Variants in ADAMTS18 observed in about 807,000 individuals in gnomAD.
The protein encoded by ADAMTS18 is ADAM metallopeptidase with thrombospondin type 1 motif 18.
A neutral mutation model predicts 165.9 loss-of-function variants in ADAMTS18; 157 were observed. That is an observed-to-expected ratio of 0.95 (90% CI 0.83 to 1.08). The LOEUF (loss-of-function observed/expected upper bound fraction) is 1.08. ADAMTS18 is among the 50% of genes least tolerant of loss of function. The probability of loss-of-function intolerance (pLI) is 0.00; values close to 1 mark genes in which losing one functional copy is unlikely to be tolerated. For missense variants in ADAMTS18, 2,040 were observed against 1,534.0 expected (o/e 1.33, Z -5.51); for synonymous variants, 782 against 578.2 (o/e 1.35, Z -5.06).
At chr16:77,420,283 C>A (rs1254301547) in intron 3 of ADAMTS18, among the ~76,000 whole-genome samples, 1 of 152,050 alleles carries the variant, frequency 6.6e-6, no homozygotes, top group Non-Finnish European at 1.5e-5. Context: ...ACATACCATC[C>A]TGCCATGTTA....
chr16:77,359,260 C>A, intron 8 of ADAMTS18, 58 bp downstream of exon 8: 1 of 1,420,044 alleles, frequency 7.0e-7, no homozygotes, highest in Non-Finnish European at 9.9e-7. Context: ...GTTAGAGGAA[C>A]ACCAATGAAT....
chr16:77,321,351 C>T (rs2055995661), intron 14 of ADAMTS18, 149 bp from the exon 15 acceptor site: 2 of 1,040,782 alleles, frequency 1.9e-6, no homozygotes, highest in Non-Finnish European at 1.4e-6. Flanking sequence ...AAGTTGGACT[C>T]ACTTGGGGTT....
At chr16:77,332,042 T>A (rs1450126652) in intron 12 of ADAMTS18, among the ~76,000 whole-genome samples, 1 of 152,194 alleles carries the variant, frequency 6.6e-6, no homozygotes, top group Non-Finnish European at 1.5e-5. Flanking sequence ...TCTAAAGCAC[T>A]TCACAAATGT....
chr16:77,384,041 C>T (rs1210665260), intron 3 of ADAMTS18, among the ~76,000 whole-genome samples: 3 of 149,632 alleles, frequency 2.0e-5, no homozygotes, highest in African/African-American at 7.3e-5. Context: ...GTTCATCCCT[C>T]CTATTAGCTC....
chr16:77,347,048 A>G (rs1366551), intron 10 of ADAMTS18, among the ~76,000 whole-genome samples: 8,695 of 152,232 alleles, frequency 0.057, 569 homozygotes, highest in African/African-American at 0.16. Flanking sequence ...TTTCATATAA[A>G]TGGAACCATA....
At chr16:77,340,472 G>C (rs1273063765) in intron 11 of ADAMTS18, among the ~76,000 whole-genome samples, 2 of 152,022 alleles carry the variant, frequency 1.3e-5, no homozygotes, top group Non-Finnish European at 2.9e-5. Flanking sequence ...ACTGTGCCCC[G>C]CCTGGACTGT....
intron 16 of ADAMTS18, among the ~76,000 whole-genome samples, chr16:77,308,617 A>G (rs1463753275): frequency 6.6e-6 from 1 of 151,608 alleles, no homozygotes; most frequent in Non-Finnish European, 1.5e-5. Context: ...TTTAATCCTT[A>G]TTGCCAAGGT....
intron 3 of ADAMTS18, among the ~76,000 whole-genome samples, chr16:77,394,450 G>A (rs2057230572): frequency 2.6e-5 from 4 of 152,184 alleles, no homozygotes; most frequent in Non-Finnish European, 4.4e-5. Flanking sequence ...CTAGTACCTG[G>A]TACACAGAAA....
At chr16:77,312,452 G>A (rs963791553) in intron 16 of ADAMTS18, among the ~76,000 whole-genome samples, 6 of 152,054 alleles carry the variant, frequency 3.9e-5, no homozygotes, top group Non-Finnish European at 8.8e-5. Flanking sequence ...TGGCTGGGCT[G>A]GTCTCGAACT....
intron 3 of ADAMTS18, among the ~76,000 whole-genome samples, chr16:77,392,805 T>G (rs563010617): frequency 6.6e-6 from 1 of 152,330 alleles, no homozygotes; most frequent in East Asian, 1.9e-4. Context: ...AATTACATCT[T>G]TCTGACACTA....
chr16:77,288,101 C>T (rs1347773482), intron 22 of ADAMTS18, among the ~76,000 whole-genome samples: 1 of 152,070 alleles, frequency 6.6e-6, no homozygotes, highest in Non-Finnish European at 1.5e-5. Context: ...GTTGCGTGCC[C>T]ATTGTGGTAT....
chr16:77,416,009 T>C (rs1295964266), intron 3 of ADAMTS18, among the ~76,000 whole-genome samples: 2 of 152,140 alleles, frequency 1.3e-5, no homozygotes, highest in South Asian at 2.1e-4. Flanking sequence ...GGAGCTGATA[T>C]TCAAGGTGGA....
chr16:77,308,450 G>C (rs945564818), intron 16 of ADAMTS18, among the ~76,000 whole-genome samples: 2 of 151,308 alleles, frequency 1.3e-5, no homozygotes, highest in African/African-American at 4.9e-5. Context: ...CAGACAAAGA[G>C]ACAGAGAAAG....
chr16:77,348,076 T>C (rs1285030649), intron 10 of ADAMTS18, among the ~76,000 whole-genome samples: 1 of 152,276 alleles, frequency 6.6e-6, no homozygotes, highest in Non-Finnish European at 1.5e-5. Flanking sequence ...CATTCACATA[T>C]AGATATCACT....
At chr16:77,359,948 T>G (rs1044928518) in intron 7 of ADAMTS18, among the ~76,000 whole-genome samples, 1 of 152,222 alleles carries the variant, frequency 6.6e-6, no homozygotes, top group South Asian at 2.1e-4. Context: ...TCTGGTTCTT[T>G]ATAATGTGGT....
chr16:77,370,785 G>C (rs1023738292), intron 3 of ADAMTS18, among the ~76,000 whole-genome samples: 1 of 139,960 alleles, frequency 7.1e-6, no homozygotes, highest in African/African-American at 3.1e-5. Flanking sequence ...ATTTATAATA[G>C]CTACGATATA....
chr16:77,380,642 T>A (rs2144769522), intron 3 of ADAMTS18, among the ~76,000 whole-genome samples: 1 of 152,356 alleles, frequency 6.6e-6, no homozygotes. Context: ...GCATATAGTT[T>A]ATAAGCAGCC....
intron 3 of ADAMTS18, among the ~76,000 whole-genome samples, chr16:77,404,326 G>A (rs1161818329): frequency 6.6e-6 from 1 of 152,106 alleles, no homozygotes; most frequent in Non-Finnish European, 1.5e-5. Context: ...AGATTTGGAG[G>A]ATACCTTTTC....
intron 12 of ADAMTS18, among the ~76,000 whole-genome samples, chr16:77,328,119 C>G (rs891132): frequency 0.38 from 57,490 of 151,792 alleles, 11,479 homozygotes; most frequent in East Asian, 0.61. Context: ...TAAATAATGA[C>G]GATGTAAAGG....
Sources: gnomAD v4.1 joint callset for allele counts (sites outside exome capture counted in the v4.1 genomes callset) on GRCh38, gnomAD v4.1.1 for gene constraint, MANE v1.5 for transcripts, NCBI Gene and HGNC (gene_info 2026-07-23, HGNC 2026-07-21) for gene names.